Variants in PPT2 observed in about 807,000 individuals in gnomAD.
The protein encoded by PPT2 is lysosomal thioesterase PPT2.
In PPT2, 20 loss-of-function variants were observed where a neutral mutation model predicts 37.3. The ratio of observed to expected loss-of-function variants is 0.54; its 90% confidence interval spans 0.38 to 0.78. The LOEUF (loss-of-function observed/expected upper bound fraction) is 0.78, where lower values mean the gene tolerates loss of function less well. Ranked by LOEUF, PPT2 falls within the 30% of genes least tolerant of loss-of-function variation. The probability of loss-of-function intolerance (pLI) is 0.00; values close to 1 mark genes in which losing one functional copy is unlikely to be tolerated. For missense variants in PPT2, 270 were observed against 389.8 expected, an observed-to-expected ratio of 0.69 and a Z score of 2.59; for synonymous variants, 135 against 159.1, an observed-to-expected ratio of 0.85 and a Z score of 1.14.
rs1239610108 is a variant in PPT2, at chr6:32,162,009, C to T, written c.711-559C>T. ...CTGGGATTACAGGTGTGAGCCACCT[C>T]GCCCGGCCAGTAATGCATTTTTGAT... On this transcript the variant is annotated intron_variant, in intron 7 of 8. Transcript: ENST00000324816. The surrounding 1 kb of genome is among the most constrained non-coding windows in gnomAD (Gnocchi z 5.5). Among the ~76,000 whole-genome samples the T allele has an allele frequency of 2.6e-5, 4 of 152,090 alleles. No individual in the cohort carries two copies. Among genetic ancestry groups the T allele is most frequent in the Admixed American group, 6.5e-5 (1 of 15,278 alleles).
At chr6:32,160,504 T>C (rs1784086788) in intron 7 of PPT2, among the ~76,000 whole-genome samples, 1 of 151,346 alleles carries the variant, frequency 6.6e-6, no homozygotes, top group African/African-American at 2.4e-5. Context: ...ACCCCATCTC[T>C]ACTAAAAATA....
rs762574816 is a variant in PPT2 at position 32,157,659 on chromosome 6, C to T, written c.564C>T (p.Tyr188=). The T allele has an allele frequency of 1.9e-6, 3 of 1,602,710 alleles. No individual in the cohort carries two copies. The highest frequency in any genetic ancestry group is 1.3e-5 in the African/African-American group (1 of 74,754). The change falls in exon 6 of 9, where the codon TAC becomes TAT. Residue 188 remains tyrosine, a synonymous_variant. Coordinates refer to ENST00000324816, the MANE Select transcript of PPT2 (RefSeq NM_005155.7). ...YWHDPHHDDL[Y]LNASSFLALI... is the part of the protein sequence containing the mutation. The stretch of plus-strand genomic sequence containing the variant: ...CAGATCCCCACCACGATGACTTGTA[C>T]CTCAATGCCAGCAGCTTCCTGGCCC...
chr6:32,158,043 C>A (rs1163342559), intron 7 of PPT2, 119 bp downstream of exon 7: 2 of 875,088 alleles, frequency 2.3e-6, no homozygotes, highest in East Asian at 2.6e-5. Context: ...CTCCTCCCCC[C>A]ATTCATCATG....
In PPT2 at chr6:32,154,528, G is replaced by C; in HGVS notation, c.-8-59G>C. 1 of 1,547,414 alleles carries C rather than the reference G, an allele frequency of 6.5e-7. No homozygotes were observed. Among genetic ancestry groups the C allele is most frequent in the Non-Finnish European group, 8.8e-7 (1 of 1,142,508 alleles). ...GAGGTGGCTTGATTGCCGGGCGTCT[G>C]TTCCGAGGGAGGAGGGTGTTGCCAT... On this transcript the variant is annotated intron_variant, in intron 1 of 8. Coordinates refer to ENST00000324816, the MANE Select transcript of PPT2 (RefSeq NM_005155.7). The surrounding 1 kb of genome is among the most constrained non-coding windows in gnomAD (Gnocchi z 7.3).
Position 32,154,429 on chromosome 6 carries a change from T to G in PPT2, c.-9+25T>G. The G allele has an allele frequency of 1.4e-6, 2 of 1,452,338 alleles. No homozygotes were observed. The highest frequency in any genetic ancestry group is 9.0e-7 in the Non-Finnish European group (1 of 1,107,934). The allele number at this position is 1,452,338 out of a possible 1,614,324, so 90.0% of individuals were successfully genotyped here. On this transcript the variant is annotated intron_variant, in intron 1 of 8. Transcript: ENST00000324816. This position sits in a 1 kb window ranked among gnomAD's most constrained non-coding sequence, Gnocchi z 7.3. The stretch of plus-strand genomic sequence containing the variant: ...GGTGCGTCAACGTGGTGGGGGGGTG[T>G]GTTTGTAGGGAGAGGGCTGGAGTAA...
Position 32,156,071 on chromosome 6 carries a change from C to G in PPT2, c.541+93C>G. 9.8e-7 allele frequency: 1 copy of G among 1,017,970 alleles called. No individual in the cohort carries two copies. The highest frequency in any genetic ancestry group is 1.5e-6 in the Non-Finnish European group (1 of 661,216). 63.1% of individuals were successfully genotyped at this position (1,017,970 alleles called of 1,614,324 possible). A position where few individuals can be genotyped will look rare whatever the true frequency, so the allele number is the denominator to read the frequency against. ...ATAGCAGTGATGACAATAAAGATAACTTACATTTATTGAGTTATTTGAACA... is the reference window on the plus strand; with the variant it reads ...ATAGCAGTGATGACAATAAAGATAAGTTACATTTATTGAGTTATTTGAACA... On this transcript the variant is annotated intron_variant, in intron 5 of 8. Transcript: ENST00000324816. The surrounding 1 kb of genome is among the most constrained non-coding windows in gnomAD (Gnocchi z 4.9).
At position 32,154,432 on chromosome 6, in the gene PPT2, T is replaced by G; in HGVS notation, c.-9+28T>G. On this transcript the variant is annotated intron_variant, in intron 1 of 8. Coordinates refer to ENST00000324816, the MANE Select transcript of PPT2 (RefSeq NM_005155.7). This position sits in a 1 kb window ranked among gnomAD's most constrained non-coding sequence, Gnocchi z 7.3. Reference sequence around the variant, plus strand: ...GCGTCAACGTGGTGGGGGGGTGTGTTTGTAGGGAGAGGGCTGGAGTAAGTT... The same window carrying G: ...GCGTCAACGTGGTGGGGGGGTGTGTGTGTAGGGAGAGGGCTGGAGTAAGTT... The G allele has an allele frequency of 1.4e-6, 2 of 1,469,398 alleles. No individual in the cohort carries two copies. Among genetic ancestry groups the G allele is most frequent in the South Asian group, 1.5e-5 (1 of 68,806 alleles). The allele number at this position is 1,469,398 out of a possible 1,614,324, so 91.0% of individuals were successfully genotyped here.
In PPT2 at chr6:32,154,437, G is replaced by C. The variant is rs1783588504; in HGVS notation, c.-9+33G>C. 6.8e-7 allele frequency: 1 copy of C among 1,477,130 alleles called. No homozygotes were observed. The highest frequency in any genetic ancestry group is 8.9e-7 in the Non-Finnish European group (1 of 1,120,692). The allele number at this position is 1,477,130 out of a possible 1,614,324, so 91.5% of individuals were successfully genotyped here. On this transcript the variant is annotated intron_variant, in intron 1 of 8. Transcript: ENST00000324816. The surrounding 1 kb of genome is among the most constrained non-coding windows in gnomAD (Gnocchi z 7.3). ...AACGTGGTGGGGGGGTGTGTTTGTA[G>C]GGAGAGGGCTGGAGTAAGTTAAAAG...
At position 32,162,881 on chromosome 6, in the gene PPT2, T is replaced by G. The variant is rs2127398284; in HGVS notation, c.840T>G (p.Gly280=). 1 of 1,613,962 alleles carries G rather than the reference T, an allele frequency of 6.2e-7. No homozygotes were observed. The highest frequency in any genetic ancestry group is 8.5e-7 in the Non-Finnish European group (1 of 1,179,830). ...RGAIVRCPMA[G]ISHTAWHSNR... Reference sequence around the variant, plus strand: ...CCATAGTGAGGTGTCCAATGGCCGGTATCTCCCACACAGCCTGGCACTCCA... The same window carrying G: ...CCATAGTGAGGTGTCCAATGGCCGGGATCTCCCACACAGCCTGGCACTCCA... The change falls in exon 9 of 9, where the codon GGT becomes GGG. Residue 280 remains glycine (G), a synonymous_variant. Coordinates refer to ENST00000324816, the MANE Select transcript of PPT2 (RefSeq NM_005155.7). The surrounding 1 kb of genome is among the most constrained non-coding windows in gnomAD (Gnocchi z 5.5).
At position 32,156,946 on chromosome 6, in the gene PPT2, G is replaced by T. The variant is rs1783838213; in HGVS notation, c.542-691G>T. ...CTGTAATCCCAATATCTTGGCAGGG[G>T]GAGGTGGGCGCATCACCTGAGGTCG... On this transcript the variant is annotated intron_variant, in intron 5 of 8. Transcript: ENST00000324816. The surrounding 1 kb of genome is among the most constrained non-coding windows in gnomAD (Gnocchi z 4.9). 6.6e-6 allele frequency among the ~76,000 whole-genome samples: 1 copy of T among 151,570 alleles called. No homozygotes were observed. The highest frequency in any genetic ancestry group is 2.1e-4 in the South Asian group (1 of 4,806).
At position 32,154,623 on chromosome 6, in the gene PPT2, C is replaced by T; in HGVS notation, c.29C>T (p.Pro10Leu). The change falls in exon 2 of 9, where the codon CCC becomes CTC. Residue 10 changes from proline to leucine, a missense_variant. Pro to Leu is a moderately conservative substitution (Grantham distance 98). Coordinates refer to ENST00000324816, the MANE Select transcript of PPT2 (RefSeq NM_005155.7). The surrounding 1 kb of genome is among the most constrained non-coding windows in gnomAD (Gnocchi z 7.3). ...CTGGGGCTCTGCGGGCAGCGGCTCC[C>T]CGCGGCGTGGGTCCTGCTTCTGTTG... MLGLCGQRL[P>L]AAWVLLLLPF... 6.2e-7 allele frequency: 1 copy of T among 1,612,016 alleles called. No individual in the cohort carries two copies. The highest frequency in any genetic ancestry group is 8.5e-7 in the Non-Finnish European group (1 of 1,179,414).
At chr6:32,157,978 G>T in intron 7 of PPT2, 54 bp downstream of exon 7, 1 of 1,478,714 alleles carries the variant, frequency 6.8e-7, no homozygotes, top group Non-Finnish European at 9.3e-7. Context: ...CCCAACCCCA[G>T]TTGGTCTTTA....
upstream of PPT2, chr6:32,153,817 T>C (rs9267810): frequency 0.23 from 232,175 of 1,031,062 alleles, 30,053 homozygotes; most frequent in Middle Eastern, 0.36. This position sits in a 1 kb window ranked among gnomAD's most constrained non-coding sequence, Gnocchi z 4.4. Context: ...AACTTCGTGT[T>C]CTGCTGCGGA....
rs765362680 is a variant in PPT2 at position 32,155,133 on chromosome 6, C to G, written c.287C>G (p.Pro96Arg). Residue 96 changes from proline to arginine, a missense_variant, in exon 3 of 9, where the codon CCC (proline) becomes CGC (arginine). Pro to Arg is a moderately radical substitution (Grantham distance 103). Coordinates refer to ENST00000324816, the MANE Select transcript of PPT2 (RefSeq NM_005155.7). The surrounding 1 kb of genome is among the most constrained non-coding windows in gnomAD (Gnocchi z 4.3). ...CAAGGGTTCCGAGAGGCTGTGGTCC[C>G]CATCATGGCAAAGGCCCCTCAAGGG... ...QVQGFREAVV[P>R]IMAKAPQGVH... The G allele has an allele frequency of 6.2e-6, 10 of 1,612,982 alleles. No individual in the cohort carries two copies. In the South Asian group the frequency reaches 6.6e-5, roughly 11 times the overall value.
Position 32,154,659 on chromosome 6 carries a change from CGCT to C in PPT2, c.75_77del (p.Leu26del). On this transcript the variant is annotated inframe_deletion, in exon 2 of 9. Transcript: ENST00000324816. This position sits in a 1 kb window ranked among gnomAD's most constrained non-coding sequence, Gnocchi z 7.3. ...GTCCTGCTTCTGTTGCCTTTCCTGC[CGCT>C]GCTGCTGCTTGCAGCCCCCGCGCCC... 2 of 1,612,864 alleles carry C rather than the reference CGCT, an allele frequency of 1.2e-6. No homozygotes were observed. Among genetic ancestry groups the C allele is most frequent in the Non-Finnish European group, 1.7e-6 (2 of 1,179,896 alleles).
At position 32,154,549 on chromosome 6, in the gene PPT2, G is replaced by C; in HGVS notation, c.-8-38G>C. 1 of 1,568,256 alleles carries C rather than the reference G, an allele frequency of 6.4e-7. No individual in the cohort carries two copies. Among genetic ancestry groups the C allele is most frequent in the Non-Finnish European group, 8.7e-7 (1 of 1,151,432 alleles). On this transcript the variant is annotated intron_variant, in intron 1 of 8. Coordinates refer to ENST00000324816, the MANE Select transcript of PPT2 (RefSeq NM_005155.7). This position sits in a 1 kb window ranked among gnomAD's most constrained non-coding sequence, Gnocchi z 7.3. ...GTCTGTTCCGAGGGAGGAGGGTGTT[G>C]CCATCTCCCTCACATGCCCTTATCA...
rs1783905653 is a variant in PPT2 at position 32,157,930 on chromosome 6, A to G, written c.710+6A>G. The G allele has an allele frequency of 1.2e-6, 2 of 1,604,274 alleles. No individual in the cohort carries two copies. Among genetic ancestry groups the G allele is most frequent in the South Asian group, 2.2e-5 (2 of 90,624 alleles). The stretch of plus-strand genomic sequence containing the variant: ...ATTACTCCCTGGCAGTCCAGGTAAT[A>G]AGGGATTTTGTGGCCTGAAGATTGG... On this transcript the variant is annotated splice_donor_region_variant and intron_variant, in intron 7 of 8. Transcript: ENST00000324816.
rs1783641775 is a variant in PPT2 at position 32,154,841 on chromosome 6, C to T, written c.183+64C>T. The T allele has an allele frequency of 2.6e-6, 4 of 1,558,476 alleles. No homozygotes were observed. Among genetic ancestry groups the T allele is most frequent in the African/African-American group, 1.4e-5 (1 of 73,544 alleles). On this transcript the variant is annotated intron_variant, in intron 2 of 8. Transcript: ENST00000324816. The surrounding 1 kb of genome is among the most constrained non-coding windows in gnomAD (Gnocchi z 7.3). ...GTCTACTGTGGCAGGGGAGGGAGAGCGGGGAACTGAAAGCCACCCCTCTGG... is the reference window on the plus strand; with the variant it reads ...GTCTACTGTGGCAGGGGAGGGAGAGTGGGGAACTGAAAGCCACCCCTCTGG...
rs1261085836 is a variant in PPT2 at position 32,162,544 on chromosome 6, A to T, written c.711-24A>T. The T allele has an allele frequency of 6.9e-6, 11 of 1,594,364 alleles. No homozygotes were observed. Among genetic ancestry groups the T allele is most frequent in the Non-Finnish European group, 9.5e-6 (11 of 1,162,334 alleles). ...CAGATTTTCTCCAGCTCTTCTGATAACCTCCCCCCAAATCTCTTTGTAGCT... is the reference window on the plus strand; with the variant it reads ...CAGATTTTCTCCAGCTCTTCTGATATCCTCCCCCCAAATCTCTTTGTAGCT... On this transcript the variant is annotated intron_variant, in intron 7 of 8. Coordinates refer to ENST00000324816, the MANE Select transcript of PPT2 (RefSeq NM_005155.7). The surrounding 1 kb of genome is among the most constrained non-coding windows in gnomAD (Gnocchi z 5.5).
Sources: allele counts gnomAD v4.1 joint callset (sites outside exome capture counted in the v4.1 genomes callset), GRCh38; gene constraint gnomAD v4.1.1; non-coding constraint Gnocchi (gnomAD v3.1); transcripts MANE v1.5; gene names NCBI Gene and HGNC (gene_info 2026-07-23, HGNC 2026-07-21).